PPM1D: variants seen among roughly 807,000 people sequenced by gnomAD.
PPM1D encodes the protein protein phosphatase 1D.
In PPM1D, 52 loss-of-function variants were observed where a neutral mutation model predicts 58.3. The ratio of observed to expected loss-of-function variants is 0.89; its 90% CI spans 0.71 to 1.12. The LOEUF is 1.12. Ranked by LOEUF, PPM1D falls within the 50% of genes most tolerant of loss-of-function variation. The pLI is 0.00. For synonymous variants in PPM1D, 278 were observed against 285.1 expected, an observed-to-expected ratio of 0.98 and a Z score of 0.25; for missense variants, 564 against 777.2, an observed-to-expected ratio of 0.73 and a Z score of 3.26.
chr17:60,631,584 G>A (rs1011186678), intron 2 of PPM1D, among the ~76,000 whole-genome samples: 1 of 151,718 alleles, frequency 6.6e-6, no homozygotes, highest in African/African-American at 2.4e-5. Context: ...TCCAGCCTAG[G>A]TAACAGAGCG....
chr17:60,612,017 TA>T (rs1407348473), intron 1 of PPM1D, among the ~76,000 whole-genome samples: 1 of 151,532 alleles, frequency 6.6e-6, no homozygotes, highest in African/African-American at 2.4e-5. Flanking sequence ...TGACTACATG[TA>T]GTCAGTGGCT....
At chr17:60,622,500 G>T (rs2030726981) in intron 1 of PPM1D, among the ~76,000 whole-genome samples, 1 of 152,182 alleles carries the variant, frequency 6.6e-6, no homozygotes, top group Admixed American at 6.5e-5. Context: ...CTTCAGAATT[G>T]TTGAATGACA....
chr17:60,628,262 A>G (rs917317100), intron 2 of PPM1D, among the ~76,000 whole-genome samples: 5 of 152,132 alleles, frequency 3.3e-5, no homozygotes, highest in Non-Finnish European at 7.4e-5. Flanking sequence ...GAATTCTCAT[A>G]TATACTTTGG....
At chr17:60,655,737 TG>T (rs964053821) in intron 4 of PPM1D, among the ~76,000 whole-genome samples, 1 of 151,660 alleles carries the variant, frequency 6.6e-6, no homozygotes, top group African/African-American at 2.4e-5. Context: ...AGTCTTGCTC[TG>T]TTGCCTAGGC....
intron 5 of PPM1D, among the ~76,000 whole-genome samples, chr17:60,659,330 T>G (rs533902917): frequency 3.3e-5 from 5 of 152,352 alleles, no homozygotes; most frequent in African/African-American, 1.2e-4. Context: ...TTAATCACAT[T>G]TAGACAAGGC....
At chr17:60,614,778 A>C (rs971314583) in intron 1 of PPM1D, among the ~76,000 whole-genome samples, 5 of 152,002 alleles carry the variant, frequency 3.3e-5, no homozygotes, top group African/African-American at 1.2e-4. Context: ...AAGCTGTAAC[A>C]CTCACCGGGA....
chr17:60,600,245 T>A lies in PPM1D; in HGVS notation c.-170T>A. The A allele has an allele frequency of 7.6e-7, 1 of 1,321,644 alleles. No homozygotes were observed. The highest frequency in any genetic ancestry group is 2.7e-5 in the East Asian group (1 of 37,642). The allele number at this position is 1,321,644 out of a possible 1,614,324, so 81.9% of individuals were successfully genotyped here. On this transcript the variant is annotated 5_prime_UTR_variant, in exon 1 of 6. Transcript: ENST00000305921. ...GCTCGCTCCGGCGCTCCGGCCCAGCTCTCGCGGACAAGTCCAGACATCGCG... is the reference window on the plus strand; with the variant it reads ...GCTCGCTCCGGCGCTCCGGCCCAGCACTCGCGGACAAGTCCAGACATCGCG...
chr17:60,615,574 A>C (rs1356218044), intron 1 of PPM1D, among the ~76,000 whole-genome samples: 2 of 152,108 alleles, frequency 1.3e-5, no homozygotes, highest in Non-Finnish European at 2.9e-5. Flanking sequence ...TTAATATATA[A>C]ATTTAGTGCA....
chr17:60,606,172 G>T (rs1355715633), intron 1 of PPM1D, among the ~76,000 whole-genome samples: 1 of 152,096 alleles, frequency 6.6e-6, no homozygotes, highest in Admixed American at 6.5e-5. Flanking sequence ...TTTTGTGTCT[G>T]ACTTATTTTA....
intron 5 of PPM1D, chr17:60,657,108 A>G (rs932204503): frequency 4.9e-5 from 63 of 1,295,838 alleles, no homozygotes; most frequent in Non-Finnish European, 6.0e-5. Flanking sequence ...TTTTTAAAGC[A>G]TTTAGAAGTT....
chr17:60,620,944 G>A (rs1420825006), intron 1 of PPM1D, among the ~76,000 whole-genome samples: 1 of 149,780 alleles, frequency 6.7e-6, no homozygotes, highest in East Asian at 2.0e-4. Flanking sequence ...TTTTTTTGAG[G>A]CAGATTCTCG....
intron 1 of PPM1D, among the ~76,000 whole-genome samples, chr17:60,615,825 C>G (rs2143640461): frequency 6.6e-6 from 1 of 151,722 alleles, no homozygotes; most frequent in Non-Finnish European, 1.5e-5. Context: ...ACCTCCCTCC[C>G]CCTTTTTTAA....
chr17:60,629,207 T>C (rs1361341989), intron 2 of PPM1D, among the ~76,000 whole-genome samples: 4 of 152,232 alleles, frequency 2.6e-5, no homozygotes, highest in African/African-American at 7.2e-5. Flanking sequence ...GAATGGACTG[T>C]ACATTTCTAT....
chr17:60,607,917 C>T (rs190813665), intron 1 of PPM1D, among the ~76,000 whole-genome samples: 1 of 152,190 alleles, frequency 6.6e-6, no homozygotes, highest in Non-Finnish European at 1.5e-5. Flanking sequence ...AGAAGTTAAT[C>T]TTAACATAAA....
chr17:60,651,259 C>T (rs1175297833), intron 4 of PPM1D, among the ~76,000 whole-genome samples: 1 of 152,040 alleles, frequency 6.6e-6, no homozygotes, highest in East Asian at 1.9e-4. Flanking sequence ...GAACCACATG[C>T]CGTAGGGAAT....
intron 2 of PPM1D, among the ~76,000 whole-genome samples, chr17:60,627,962 C>T (rs759525081): frequency 2.6e-5 from 4 of 151,830 alleles, no homozygotes; most frequent in East Asian, 1.9e-4. Context: ...CTCGTCTCAC[C>T]GCAACCTCTG....
intron 1 of PPM1D, among the ~76,000 whole-genome samples, chr17:60,604,993 A>ATT (rs533823038): frequency 5.3e-5 from 8 of 151,524 alleles, no homozygotes; most frequent in African/African-American, 1.9e-4. Context: ...TAATTTTTGT[A>ATT]TTTTTTTTAG....
chr17:60,636,004 G>A (rs976179898), intron 3 of PPM1D, among the ~76,000 whole-genome samples: 1 of 152,138 alleles, frequency 6.6e-6, no homozygotes, highest in African/African-American at 2.4e-5. Context: ...CCTTCAATGG[G>A]GTTGGAGCAT....
intron 2 of PPM1D, among the ~76,000 whole-genome samples, chr17:60,626,282 C>T (rs751541869): frequency 9.9e-5 from 15 of 152,090 alleles, no homozygotes; most frequent in Non-Finnish European, 1.6e-4. Flanking sequence ...TACCAATTTA[C>T]ACTTCTACCA....
Sources: allele counts gnomAD v4.1 joint callset (sites outside exome capture counted in the v4.1 genomes callset), GRCh38; gene constraint gnomAD v4.1.1; transcripts MANE v1.5; gene names NCBI Gene and HGNC (gene_info 2026-07-23, HGNC 2026-07-21).